NKAIN3: variants seen among roughly 807,000 people sequenced by gnomAD.
NKAIN3 encodes the protein sodium/potassium-transporting ATPase subunit beta-1-interacting protein 3.
A neutral mutation model predicts 30.2 loss-of-function variants in NKAIN3; 25 were observed. The ratio of observed to expected loss-of-function variants is 0.83; its 90% CI spans 0.60 to 1.16. The LOEUF is 1.16. Among genes scored for constraint, NKAIN3 ranks in the 50% most tolerant of loss-of-function variants. NKAIN3 has a pLI of 0.00. For missense variants in NKAIN3, 225 were observed against 254.1 expected, an observed-to-expected ratio of 0.89 and a Z score of 0.78; for synonymous variants, 91 against 89.6, an observed-to-expected ratio of 1.02 and a Z score of -0.09.
At chr8:62,600,062 C>T (rs910788074) in intron 3 of NKAIN3, among the ~76,000 whole-genome samples, 1 of 151,968 alleles carries the variant, frequency 6.6e-6, no homozygotes, top group African/African-American at 2.4e-5. Context: ...TTAGTCCAAT[C>T]TGTCTTAATG....
chr8:62,504,581 C>G (rs1807573058), intron 1 of NKAIN3, among the ~76,000 whole-genome samples: 1 of 152,064 alleles, frequency 6.6e-6, no homozygotes, highest in Non-Finnish European at 1.5e-5. Flanking sequence ...TTATTTGTTC[C>G]TGGATTGTTG....
chr8:62,290,828 T>C (rs78666085), intron 1 of NKAIN3, among the ~76,000 whole-genome samples: 3 of 152,218 alleles, frequency 2.0e-5, no homozygotes, highest in Non-Finnish European at 4.4e-5. Context: ...AGCTCCTCTT[T>C]GTACCTCTGG....
chr8:62,497,751 G>A (rs927405543), intron 1 of NKAIN3, among the ~76,000 whole-genome samples: 3 of 152,126 alleles, frequency 2.0e-5, no homozygotes, highest in Non-Finnish European at 4.4e-5. Context: ...GCACTGTGCA[G>A]TTGGTACCTT....
chr8:62,842,288 A>G (rs1451260032), intron 4 of NKAIN3, among the ~76,000 whole-genome samples: 1 of 152,164 alleles, frequency 6.6e-6, no homozygotes, highest in Admixed American at 6.6e-5. Flanking sequence ...TTTAAAACTT[A>G]GATGTAAATT....
chr8:62,605,658 C>T (rs1216571757), intron 3 of NKAIN3, among the ~76,000 whole-genome samples: 5 of 151,756 alleles, frequency 3.3e-5, no homozygotes, highest in Non-Finnish European at 5.9e-5. Flanking sequence ...TAAAATGTAG[C>T]GTATCTATTT....
chr8:62,962,921 C>T (rs975590959), intron 6 of NKAIN3, among the ~76,000 whole-genome samples: 2 of 151,162 alleles, frequency 1.3e-5, no homozygotes, highest in Non-Finnish European at 2.9e-5. Context: ...GATGGAGTTT[C>T]GCTCTTGTTG....
At chr8:62,713,227 G>A (rs1009707716) in intron 3 of NKAIN3, among the ~76,000 whole-genome samples, 4 of 152,172 alleles carry the variant, frequency 2.6e-5, no homozygotes, top group African/African-American at 7.2e-5. Flanking sequence ...CTTGGGGTCC[G>A]CTGTCAGCTT....
At chr8:62,257,505 A>G (rs1332686647) in intron 1 of NKAIN3, among the ~76,000 whole-genome samples, 1 of 152,172 alleles carries the variant, frequency 6.6e-6, no homozygotes, top group Non-Finnish European at 1.5e-5. Flanking sequence ...CATTTTCTAC[A>G]ATGCCTGATT....
At chr8:62,549,070 T>A (rs1456009816) in intron 1 of NKAIN3, among the ~76,000 whole-genome samples, 2 of 152,202 alleles carry the variant, frequency 1.3e-5, no homozygotes, top group African/African-American at 2.4e-5. Flanking sequence ...TGAAAACATT[T>A]AATTAACTTT....
At chr8:62,932,886 C>A (rs77271146) in intron 5 of NKAIN3, among the ~76,000 whole-genome samples, 53 of 151,998 alleles carry the variant, frequency 3.5e-4, no homozygotes, top group African/African-American at 1.2e-3. Flanking sequence ...TACAAGCACC[C>A]GGCTGGAGAA....
chr8:62,524,512 A>G (rs1808243035), intron 1 of NKAIN3, among the ~76,000 whole-genome samples: 1 of 152,154 alleles, frequency 6.6e-6, no homozygotes, highest in South Asian at 2.1e-4. Context: ...TGCTGATGGC[A>G]ATCAGCATAG....
At chr8:62,765,788 A>T (rs1309384040) in intron 4 of NKAIN3, among the ~76,000 whole-genome samples, 3 of 152,104 alleles carry the variant, frequency 2.0e-5, no homozygotes. Context: ...GTGTATGCAT[A>T]TATAATTACT....
intron 1 of NKAIN3, among the ~76,000 whole-genome samples, chr8:62,402,427 C>G (rs1803907715): frequency 6.6e-6 from 1 of 152,120 alleles, no homozygotes; most frequent in South Asian, 2.1e-4. Context: ...TGGCTGTGTC[C>G]CCACCCAAAT....
rs1284519454 is a variant in NKAIN3 at position 62,667,352 on chromosome 8, T to TATGTATATATATATAA, written c.273+77560_273+77561insGTATATATATATAAAT. Among the ~76,000 whole-genome samples the TATGTATATATATATAA allele has an allele frequency of 4.3e-3, 311 of 72,214 alleles. 2 individuals carry two copies. The highest frequency in any genetic ancestry group is 0.026 in the African/African-American group (303 of 11,458). 47.4% of individuals were successfully genotyped at this position (72,214 alleles called of 152,430 possible). ...ATTCTTTATATATATATTCTTTATA[T>TATGTATATATATATAA]ATATATCTGTATATATATATATAAA... is the stretch of plus-strand genomic sequence containing the variant. On this transcript the variant is annotated intron_variant, in intron 3 of 6. Coordinates refer to ENST00000623646, the MANE Select transcript of NKAIN3 (RefSeq NM_001304533.3).
chr8:62,857,040 T>C, intron 4 of NKAIN3: 1 of 511,400 alleles, frequency 2.0e-6, no homozygotes, highest in Admixed American at 2.2e-5. Flanking sequence ...TCTTCTTTGC[T>C]TCTTCATCGG....
At chr8:62,749,271 T>C (rs1236142490) in intron 4 of NKAIN3, among the ~76,000 whole-genome samples, 1 of 152,196 alleles carries the variant, frequency 6.6e-6, no homozygotes, top group Non-Finnish European at 1.5e-5. Flanking sequence ...ACAGCAAGTA[T>C]TTATTTGATA....
intron 5 of NKAIN3, among the ~76,000 whole-genome samples, chr8:62,993,340 G>T (rs10957264): frequency 0.18 from 27,570 of 152,150 alleles, 2,613 homozygotes; most frequent in East Asian, 0.39. Context: ...ACATTGTAAT[G>T]TGTATTTGAT....
intron 4 of NKAIN3, among the ~76,000 whole-genome samples, chr8:62,861,561 AACAAAATATACTGTTCC>A (rs1284232771): frequency 6.6e-6 from 1 of 152,188 alleles, no homozygotes; most frequent in Non-Finnish European, 1.5e-5. Flanking sequence ...TACAAAAGAA[AACAAAATATACTGTTCC>A]TAACACAGAA....
At chr8:62,994,459 G>A (rs1037185973) in intron 5 of NKAIN3, among the ~76,000 whole-genome samples, 5 of 151,998 alleles carry the variant, frequency 3.3e-5, no homozygotes, top group Non-Finnish European at 7.3e-5. Context: ...CAGTTGCACT[G>A]GTCATCTCTG....
Sources: allele counts gnomAD v4.1 joint callset (sites outside exome capture counted in the v4.1 genomes callset), GRCh38; gene constraint gnomAD v4.1.1; transcripts MANE v1.5; gene names NCBI Gene and HGNC (gene_info 2026-07-23, HGNC 2026-07-21).